FAM118A: variants seen among roughly 807,000 people sequenced by gnomAD.
FAM118A encodes the protein protein FAM118A.
FAM118A carries 25 observed loss-of-function variants against 38.2 expected under a neutral mutation model. The ratio of observed to expected loss-of-function variants is 0.65; its 90% CI spans 0.48 to 0.91. The LOEUF is 0.91. Among genes scored for constraint, FAM118A ranks in the 40% least tolerant of loss-of-function variants. The pLI is 0.00. For synonymous variants in FAM118A, 178 were observed against 184.1 expected (o/e 0.97, Z 0.27); for missense variants, 425 against 463.3 (o/e 0.92, Z 0.76).
chr22:45,309,804 C>CGGTGG (rs1555908027), upstream of FAM118A: 1 of 151,022 alleles, frequency 6.6e-6, no homozygotes, highest in Non-Finnish European at 1.5e-5. Context: ...GAGGATCTGG[C>CGGTGG]GGCGGGGCGG....
At position 45,341,884 on chromosome 22, in the gene FAM118A, T is replaced by C. The variant is rs975924450; in HGVS notation, c.*1479T>C. 6.6e-5 allele frequency: 10 copies of C among 152,294 alleles called. No individual in the cohort carries two copies. Among genetic ancestry groups the C allele is most frequent in the African/African-American group, 1.9e-4 (8 of 41,560 alleles). 9.4% of individuals were successfully genotyped at this position (152,294 alleles called of 1,614,324 possible). On this transcript the variant is annotated 3_prime_UTR_variant, in exon 9 of 9. Coordinates refer to ENST00000441876, the MANE Select transcript of FAM118A (RefSeq NM_017911.4). ...GGAGGGAGAGAAGCCCTGAAAACTT[T>C]TTTTTTCTTTTTGAAGCATGGAAAA...
At chr22:45,330,449 T>G (rs761932469) in intron 4 of FAM118A, 154 bp from the exon 5 acceptor site, 14 of 808,440 alleles carry the variant, frequency 1.7e-5, no homozygotes, top group Non-Finnish European at 2.1e-5. Flanking sequence ...CAAGTTTCTC[T>G]TAGGTTTTGA....
At chr22:45,333,591 A>G (rs956624510) in intron 6 of FAM118A, among the ~76,000 whole-genome samples, 45 of 150,612 alleles carry the variant, frequency 3.0e-4, no homozygotes, top group Non-Finnish European at 6.2e-4. Flanking sequence ...GGAGAATGGC[A>G]TGAACCCGGG....
At chr22:45,339,662 A>C (rs542502275) in intron 8 of FAM118A, among the ~76,000 whole-genome samples, 2 of 152,172 alleles carry the variant, frequency 1.3e-5, no homozygotes, top group East Asian at 3.9e-4. Context: ...TGTTTTCTGC[A>C]TATCTGGGCT....
intron 6 of FAM118A, among the ~76,000 whole-genome samples, chr22:45,333,730 A>G (rs930231797): frequency 8.7e-5 from 13 of 148,848 alleles, no homozygotes; most frequent in Admixed American, 4.0e-4. Flanking sequence ...GATACCAGCT[A>G]CTCTGGAGGC....
At chr22:45,333,220 A>G (rs1253598978) in intron 6 of FAM118A, among the ~76,000 whole-genome samples, 1 of 152,152 alleles carries the variant, frequency 6.6e-6, no homozygotes, top group African/African-American at 2.4e-5. Context: ...GACAGTCTGT[A>G]ACTAGAACTT....
At chr22:45,337,954 C>A in intron 8 of FAM118A, 3 of 950,406 alleles carry the variant, frequency 3.2e-6, no homozygotes, top group Non-Finnish European at 3.8e-6. Context: ...GGAACCTGTT[C>A]CCAGTGATTT....
At chr22:45,325,235 A>G (rs2085177507) in intron 3 of FAM118A, among the ~76,000 whole-genome samples, 1 of 152,180 alleles carries the variant, frequency 6.6e-6, no homozygotes, top group Non-Finnish European at 1.5e-5. Context: ...GAAAACAAGT[A>G]GTTGAGCATC....
chr22:45,310,163 A>T lies in FAM118A; in HGVS notation c.-30A>T, dbSNP rs1221112590. On this transcript the variant is annotated 5_prime_UTR_variant, in exon 1 of 9. Coordinates refer to ENST00000441876, the MANE Select transcript of FAM118A (RefSeq NM_017911.4). ...AGAGGTGGCAGCGCGAGCTGGGACC[A>T]GCGTCTCGGAGGCGCCGCAGGTGAG... 1 of 148,556 alleles carries T rather than the reference A, an allele frequency of 6.7e-6. No homozygotes were observed. Among genetic ancestry groups the T allele is most frequent in the Admixed American group, 6.7e-5 (1 of 15,020 alleles). 9.2% of individuals were successfully genotyped at this position (148,556 alleles called of 1,614,324 possible).
chr22:45,331,591 G>T (rs1448348385), intron 5 of FAM118A, among the ~76,000 whole-genome samples: 1 of 152,114 alleles, frequency 6.6e-6, no homozygotes, highest in Non-Finnish European at 1.5e-5. Context: ...TGTGCTTCTG[G>T]TAAGCACTGA....
chr22:45,317,582 C>T (rs956832157), intron 1 of FAM118A, among the ~76,000 whole-genome samples: 8 of 152,222 alleles, frequency 5.3e-5, no homozygotes, highest in Admixed American at 3.3e-4. Flanking sequence ...TCGTGATGTT[C>T]GTTCATTCGT....
In FAM118A at chr22:45,319,827, C is replaced by T. The variant is rs139239356; in HGVS notation, c.-9-2544C>T. Among the ~76,000 whole-genome samples, 812 of 152,226 alleles carry T rather than the reference C, an allele frequency of 5.3e-3. 7 individuals are homozygous for T. The highest frequency in any genetic ancestry group is 0.019 in the African/African-American group (777 of 41,538). On this transcript the variant is annotated intron_variant, in intron 1 of 8. Coordinates refer to ENST00000441876, the MANE Select transcript of FAM118A (RefSeq NM_017911.4). ...AATGGGAAGAAGGATGTGTTAGGGC[C>T]AAGCCCCAGCCCGGACTCTGCCAGT...
intron 3 of FAM118A, among the ~76,000 whole-genome samples, chr22:45,323,956 C>T (rs998359447): frequency 3.9e-5 from 6 of 152,170 alleles, no homozygotes; most frequent in Non-Finnish European, 8.8e-5. Flanking sequence ...GGGGAAGGTG[C>T]GTGGCAGGCC....
At chr22:45,327,512 T>A (rs2085362292) in intron 3 of FAM118A, among the ~76,000 whole-genome samples, 1 of 152,170 alleles carries the variant, frequency 6.6e-6, no homozygotes. Flanking sequence ...TCCCTCTGCT[T>A]AGAACATTCT....
intron 3 of FAM118A, among the ~76,000 whole-genome samples, chr22:45,324,960 T>C (rs1601924561): frequency 6.6e-6 from 1 of 152,186 alleles, no homozygotes; most frequent in Non-Finnish European, 1.5e-5. Flanking sequence ...GGCAGGAGAA[T>C]CGCTTGAACC....
intron 1 of FAM118A, among the ~76,000 whole-genome samples, chr22:45,320,553 A>G (rs1413583974): frequency 6.6e-6 from 1 of 151,628 alleles, no homozygotes; most frequent in South Asian, 2.1e-4. Context: ...TTTACCATTC[A>G]GCCTTCCAAG....
chr22:45,325,833 G>T (rs1041491862), intron 3 of FAM118A, among the ~76,000 whole-genome samples: 7 of 152,096 alleles, frequency 4.6e-5, no homozygotes, highest in Non-Finnish European at 7.4e-5. Flanking sequence ...CACCTTCATC[G>T]GTGCAGGGAG....
rs1569130213 is a variant in FAM118A, at chr22:45,322,388, A to G, written c.9A>G (p.Ser3=). The G allele has an allele frequency of 1.2e-6, 2 of 1,610,848 alleles. No individual in the cohort carries two copies. The highest frequency in any genetic ancestry group is 1.7e-5 in the Admixed American group (1 of 59,204). The change falls in exon 2 of 9, where the codon TCA becomes TCG. Residue 3 remains serine, a synonymous_variant. Coordinates refer to ENST00000441876, the MANE Select transcript of FAM118A (RefSeq NM_017911.4). ...CTCTTTAGAATTCACAGATGGATTC[A>G]GTGGAAAAGACAACAAATAGAAGTG... MD[S]VEKTTNRSEQ...
At chr22:45,319,571 G>A (rs780496668) in intron 1 of FAM118A, among the ~76,000 whole-genome samples, 1 of 152,166 alleles carries the variant, frequency 6.6e-6, no homozygotes, top group African/African-American at 2.4e-5. Context: ...TTCAAAACTC[G>A]GCCCATTGGC....
Sources: allele counts gnomAD v4.1 joint callset (sites outside exome capture counted in the v4.1 genomes callset), GRCh38; gene constraint gnomAD v4.1.1; transcripts MANE v1.5; gene names NCBI Gene and HGNC (gene_info 2026-07-23, HGNC 2026-07-21).